STK32C: variants seen among roughly 807,000 people sequenced by gnomAD.
The protein encoded by STK32C is serine/threonine kinase 32C, also known as serine/threonine-protein kinase 32C.
Under a neutral mutation model 56.5 loss-of-function variants are expected in STK32C, and 31 were observed. The ratio of observed to expected loss-of-function variants is 0.55; its 90% CI spans 0.41 to 0.74. The LOEUF is 0.74. Among genes scored for constraint, STK32C ranks in the 30% least tolerant of loss-of-function variants. The pLI is 0.00. For missense variants in STK32C, 544 were observed against 676.9 expected, an observed-to-expected ratio of 0.80 and a Z score of 2.18; for synonymous variants, 309 against 289.4, an observed-to-expected ratio of 1.07 and a Z score of -0.69.
intron 4 of STK32C, 80 bp downstream of exon 4, chr10:132,226,715 G>A (rs544804731): frequency 2.5e-5 from 39 of 1,534,450 alleles, no homozygotes; most frequent in African/African-American, 1.2e-4. Context: ...GAGTACGGCC[G>A]CCGTGCCGGC....
intron 1 of STK32C, among the ~76,000 whole-genome samples, chr10:132,304,798 G>A (rs549180623): frequency 4.8e-4 from 73 of 152,326 alleles, no homozygotes; most frequent in Non-Finnish European, 9.7e-4. Context: ...TGCCCGGCCC[G>A]GCGCCCAGGG....
At chr10:132,274,634 G>T (rs749050995) in intron 1 of STK32C, among the ~76,000 whole-genome samples, 4 of 152,186 alleles carry the variant, frequency 2.6e-5, no homozygotes, top group African/African-American at 9.7e-5. Flanking sequence ...AGCCACGGAC[G>T]CCGGATCCTC....
At chr10:132,298,791 G>A (rs970575575) in intron 1 of STK32C, among the ~76,000 whole-genome samples, 35 of 152,136 alleles carry the variant, frequency 2.3e-4, no homozygotes, top group Non-Finnish European at 1.5e-4. Context: ...GAGCCACATG[G>A]GGAAGCTGGC....
exon 1 of STK32C, chr10:132,331,754 C>T (rs761262807): frequency 4.2e-5 from 68 of 1,611,150 alleles, no homozygotes; most frequent in Non-Finnish European, 5.4e-5. Flanking sequence ...TCTTCCTTCC[C>T]CTCTGTGCCA....
At chr10:132,236,807 A>G (rs940181041) in intron 2 of STK32C, among the ~76,000 whole-genome samples, 1 of 152,058 alleles carries the variant, frequency 6.6e-6, no homozygotes, top group South Asian at 2.1e-4. Context: ...GTGACCCTCG[A>G]CCTGGTGCCT....
At chr10:132,235,296 G>C (rs1056367371) in intron 2 of STK32C, among the ~76,000 whole-genome samples, 1 of 151,908 alleles carries the variant, frequency 6.6e-6, no homozygotes, top group Non-Finnish European at 1.5e-5. Flanking sequence ...AGGAGTTCAA[G>C]ACCATCCTGG....
At chr10:132,235,019 GGTGTGAGCA>G (rs1400180859) in intron 2 of STK32C, among the ~76,000 whole-genome samples, 9 of 152,154 alleles carry the variant, frequency 5.9e-5, no homozygotes, top group Non-Finnish European at 1.2e-4. Flanking sequence ...TGGTGTGAGC[GGTGTGAGCA>G]GTGTGAACTG....
chr10:132,326,106 T>C (rs1334493232), intron 1 of STK32C, among the ~76,000 whole-genome samples: 1 of 152,218 alleles, frequency 6.6e-6, no homozygotes, highest in African/African-American at 2.4e-5. Context: ...AGTTCATCTC[T>C]TCAGGATCGG....
chr10:132,307,718 G>C lies in STK32C; in HGVS notation c.116C>G (p.Ala39Gly). 3 of 1,313,790 alleles carry C rather than the reference G, an allele frequency of 2.3e-6. No individual in the cohort carries two copies. In the South Asian group the frequency reaches 5.6e-5, roughly 25 times the overall value. The allele number at this position is 1,313,790 out of a possible 1,614,324, so 81.4% of individuals were successfully genotyped here. A position where few individuals can be genotyped will look rare whatever the true frequency, so the allele number is the denominator to read the frequency against. ...GTCCCGGGCCCGGGGCTGGCCAGCA[G>C]CGGGCGGCGGCAGGGCCGAGGGCGC... is the stretch of plus-strand genomic sequence containing the variant. ...SDAPSALPPPAAGQPRARDSG... is the reference protein window; with the variant it reads ...SDAPSALPPPGAGQPRARDSG... The change falls in exon 1 of 12, where the codon GCT becomes GGT. Residue 39 changes from alanine to glycine, a missense_variant. Transcript: ENST00000298630. This position sits in a 1 kb window ranked among gnomAD's most constrained non-coding sequence, Gnocchi z 4.4.
chr10:132,281,230 G>A (rs1215231162), intron 1 of STK32C, among the ~76,000 whole-genome samples: 1 of 151,806 alleles, frequency 6.6e-6, no homozygotes, highest in Non-Finnish European at 1.5e-5. Context: ...TAGACAGAGT[G>A]ACCTTCAGGC....
chr10:132,223,400 C>T (rs762105020), intron 8 of STK32C, among the ~76,000 whole-genome samples: 6 of 152,208 alleles, frequency 3.9e-5, no homozygotes, highest in Non-Finnish European at 7.4e-5. Flanking sequence ...CAGATGAGCC[C>T]GGGGCAGCCA....
intron 1 of STK32C, among the ~76,000 whole-genome samples, chr10:132,279,611 G>A (rs1329470320): frequency 6.6e-6 from 1 of 151,114 alleles, no homozygotes; most frequent in Non-Finnish European, 1.5e-5. Context: ...TCACGCCCCT[G>A]CACTCTGTAA....
intron 1 of STK32C, among the ~76,000 whole-genome samples, chr10:132,304,122 G>T (rs894952117): frequency 1.3e-5 from 2 of 152,234 alleles, no homozygotes; most frequent in African/African-American, 2.4e-5. Flanking sequence ...AGTGCACAAA[G>T]ATCTGCAACG....
In STK32C at chr10:132,306,404, C is replaced by G. The variant is rs532764318; in HGVS notation, c.262+1168G>C. On this transcript the variant is annotated intron_variant, in intron 1 of 11. Coordinates refer to ENST00000298630, the MANE Select transcript of STK32C (RefSeq NM_173575.4). ...TCGTGAGTTCTGCTGTCCCGAAGTT[C>G]AGGACACAGTGACGGGCCACCCTGG... 1.1e-4 allele frequency among the ~76,000 whole-genome samples: 17 copies of G among 152,350 alleles called. 1 individual carries two copies. The South Asian group carries it at 3.5e-3, about 32-fold the overall frequency.
intron 2 of STK32C, among the ~76,000 whole-genome samples, chr10:132,238,982 C>T (rs924062769): frequency 6.6e-6 from 1 of 152,184 alleles, no homozygotes; most frequent in South Asian, 2.1e-4. Flanking sequence ...CCTCAGTGCT[C>T]CTGAAACCCT....
intron 4 of STK32C, among the ~76,000 whole-genome samples, chr10:132,226,036 G>A (rs1240006272): frequency 1.3e-5 from 2 of 152,224 alleles, no homozygotes; most frequent in African/African-American, 2.4e-5. Flanking sequence ...GATGCTGGGA[G>A]GGGGCCTGGA....
At chr10:132,240,951 T>C (rs2063479906) in intron 2 of STK32C, among the ~76,000 whole-genome samples, 1 of 152,156 alleles carries the variant, frequency 6.6e-6, no homozygotes, top group Non-Finnish European at 1.5e-5. Context: ...CTGATAGCTG[T>C]GCCCATCAGA....
chr10:132,324,834 A>G (rs915226966), intron 1 of STK32C, among the ~76,000 whole-genome samples: 1 of 152,236 alleles, frequency 6.6e-6, no homozygotes, highest in Admixed American at 6.5e-5. Flanking sequence ...CCTGTGAGGT[A>G]TACATTGGTT....
downstream of STK32C, among the ~76,000 whole-genome samples, chr10:132,319,711 G>A (rs1479944549): frequency 2.6e-5 from 4 of 152,094 alleles, no homozygotes; most frequent in Admixed American, 2.0e-4. Flanking sequence ...AGGGGCTGAG[G>A]GTACTCATCC....
Sources: gnomAD v4.1 joint callset for allele counts (sites outside exome capture counted in the v4.1 genomes callset) on GRCh38, gnomAD v4.1.1 for gene constraint, Gnocchi (gnomAD v3.1) non-coding constraint, MANE v1.5 for transcripts, NCBI Gene and HGNC (gene_info 2026-07-23, HGNC 2026-07-21) for gene names.